Variants in SHC3 observed in about 807,000 individuals in gnomAD.
The protein encoded by SHC3 is SHC adaptor protein 3.
Under a neutral mutation model 60.4 loss-of-function variants are expected in SHC3, and 15 were observed. The observed-to-expected ratio is 0.25, with a 90% CI of 0.17 to 0.38. The LOEUF (loss-of-function observed/expected upper bound fraction) is 0.38. Among genes scored for constraint, SHC3 ranks in the 10% least tolerant of loss-of-function variants. SHC3 has a pLI of 1.00. For synonymous variants in SHC3, 294 were observed against 325.9 expected, an observed-to-expected ratio of 0.90 and a Z score of 1.05; for missense variants, 677 against 786.1, an observed-to-expected ratio of 0.86 and a Z score of 1.66.
intron 11 of SHC3, among the ~76,000 whole-genome samples, chr9:89,017,970 T>A (rs1280412778): frequency 6.6e-6 from 1 of 152,142 alleles, no homozygotes; most frequent in Non-Finnish European, 1.5e-5. Flanking sequence ...AGAGTGGTGA[T>A]CATTAAAAAG....
intron 2 of SHC3, among the ~76,000 whole-genome samples, chr9:89,095,747 G>A (rs1825692044): frequency 1.3e-5 from 2 of 152,120 alleles, no homozygotes; most frequent in African/African-American, 2.4e-5. Context: ...CCCACCTCCA[G>A]GGCAGGGACA....
At chr9:89,161,293 T>C (rs1826702408) in intron 1 of SHC3, among the ~76,000 whole-genome samples, 1 of 152,188 alleles carries the variant, frequency 6.6e-6, no homozygotes, top group African/African-American at 2.4e-5. Context: ...GATCTGGTCA[T>C]TTAAAAGTGT....
At chr9:89,080,734 AATAT>A (rs10591505) in intron 2 of SHC3, among the ~76,000 whole-genome samples, 224 of 131,930 alleles carry the variant, frequency 1.7e-3, no homozygotes, top group South Asian at 3.1e-3. Flanking sequence ...AACTAGGAAG[AATAT>A]ATATATATAT....
chr9:89,014,909 G>A (rs1239686446), intron 11 of SHC3, among the ~76,000 whole-genome samples: 1 of 152,140 alleles, frequency 6.6e-6, no homozygotes, highest in Non-Finnish European at 1.5e-5. Flanking sequence ...ATTAGCACCT[G>A]AAGGAACAGA....
At chr9:89,024,620 G>A (rs1233641309) in intron 11 of SHC3, among the ~76,000 whole-genome samples, 1 of 152,240 alleles carries the variant, frequency 6.6e-6, no homozygotes, top group Non-Finnish European at 1.5e-5. Context: ...ACCGTTTTCA[G>A]AATGAAAGGA....
At chr9:89,079,115 C>CAATG (rs1564125974) in intron 2 of SHC3, among the ~76,000 whole-genome samples, 1 of 152,140 alleles carries the variant, frequency 6.6e-6, no homozygotes, top group Non-Finnish European at 1.5e-5. Flanking sequence ...AAACCGTAGG[C>CAATG]AATGAATCAT....
At chr9:89,044,136 G>C (rs900491413) in intron 9 of SHC3, among the ~76,000 whole-genome samples, 3 of 152,150 alleles carry the variant, frequency 2.0e-5, no homozygotes, top group African/African-American at 7.2e-5. Flanking sequence ...AAATATCTAA[G>C]GGAAATAATG....
Position 89,078,046 on chromosome 9 carries a change from G to T in SHC3, c.546-143C>A, listed in dbSNP as rs1451430094. The T allele has an allele frequency of 1.2e-5, 11 of 898,944 alleles. No homozygotes were observed. The African/African-American group carries it at 1.7e-4, about 14-fold the overall frequency. 55.7% of individuals were successfully genotyped at this position (898,944 alleles called of 1,614,324 possible). A position where few individuals can be genotyped will look rare whatever the true frequency, so the allele number is the denominator to read the frequency against. On this transcript the variant is annotated intron_variant, in intron 2 of 11. Transcript: ENST00000375835. ...AGAGCTGCCAATTTGGGAGTCATCC[G>T]ATTCTTCTTCTAAAACACAAAACTA...
intron 2 of SHC3, among the ~76,000 whole-genome samples, chr9:89,105,554 T>C (rs1310849649): frequency 2.6e-5 from 4 of 152,216 alleles, no homozygotes; most frequent in Non-Finnish European, 5.9e-5. Context: ...TGTTTGTGTA[T>C]TTCCCTCTCC....
At chr9:89,023,040 A>G (rs1283244959) in intron 11 of SHC3, among the ~76,000 whole-genome samples, 1 of 152,132 alleles carries the variant, frequency 6.6e-6, no homozygotes, top group East Asian at 1.9e-4. Flanking sequence ...CAGGCATGTG[A>G]TGGGTTTGAG....
intron 1 of SHC3, among the ~76,000 whole-genome samples, chr9:89,175,931 G>A (rs1000139829): frequency 6.6e-6 from 1 of 152,220 alleles, no homozygotes. Flanking sequence ...AGAGGGCCAT[G>A]TGATAATTTG....
At chr9:89,107,773 T>C (rs2118099637) in intron 2 of SHC3, among the ~76,000 whole-genome samples, 1 of 152,312 alleles carries the variant, frequency 6.6e-6, no homozygotes, top group Middle Eastern at 3.4e-3. Context: ...CTGCTCTCTG[T>C]TCTAATTCCG....
chr9:89,178,395 G>C lies in SHC3; in HGVS notation c.66C>G (p.Leu22=). Residue 22 remains leucine, a synonymous_variant, in exon 1 of 12, where the codon CTC becomes CTG. Transcript: ENST00000375835. The surrounding 1 kb of genome is among the most constrained non-coding windows in gnomAD (Gnocchi z 6.9). ...NDSVTSVDDL[L]HSLSVSGGGG... ...CGCCGCCGCTCACCGACAGGCTGTG[G>C]AGAAGGTCATCGACCGATGTCACCG... The C allele has an allele frequency of 1.3e-6, 2 of 1,562,892 alleles. No homozygotes were observed. Among genetic ancestry groups the C allele is most frequent in the Non-Finnish European group, 1.7e-6 (2 of 1,156,558 alleles).
At chr9:89,104,379 G>A (rs1825826770) in intron 2 of SHC3, among the ~76,000 whole-genome samples, 2 of 152,184 alleles carry the variant, frequency 1.3e-5, no homozygotes, top group South Asian at 4.1e-4. Flanking sequence ...ACTCTGTGGG[G>A]TCGGCTCAGC....
intron 6 of SHC3, among the ~76,000 whole-genome samples, chr9:89,057,873 C>T (rs1824981693): frequency 6.6e-6 from 1 of 152,164 alleles, no homozygotes; most frequent in South Asian, 2.1e-4. Context: ...AGTTAAGGAT[C>T]TCGAGATGAG....
At chr9:89,136,403 T>C (rs1375952996) in intron 1 of SHC3, among the ~76,000 whole-genome samples, 2 of 152,140 alleles carry the variant, frequency 1.3e-5, no homozygotes, top group East Asian at 1.9e-4. Flanking sequence ...AAACAGCTTA[T>C]AGCAGAGAAG....
intron 6 of SHC3, among the ~76,000 whole-genome samples, chr9:89,065,221 G>T (rs1393184251): frequency 6.6e-6 from 1 of 152,182 alleles, no homozygotes; most frequent in African/African-American, 2.4e-5. Flanking sequence ...AGGAGGACAG[G>T]CAGCAGGTGG....
chr9:89,035,289 A>G (rs142761788), intron 11 of SHC3, among the ~76,000 whole-genome samples: 94 of 152,284 alleles, frequency 6.2e-4, no homozygotes, highest in African/African-American at 2.1e-3. Context: ...AAATTAATCT[A>G]CATACATTCA....
rs1425877749 is a variant in SHC3 at position 89,042,091 on chromosome 9, G to T, written c.1295C>A (p.Pro432Gln). Residue 432 changes from proline (P) to glutamine (Q), a missense_variant, in exon 10 of 12, where the codon CCA becomes CAA. By Grantham distance (76) the Pro-to-Gln change is moderately conservative. Coordinates refer to ENST00000375835, the MANE Select transcript of SHC3 (RefSeq NM_016848.6). ...GCTGACCGCAGCCGGCCAGGCCTGT[G>T]GTGGGATCTGCTGAGTGTTGACGTA... ...PTYVNTQQIP[P>Q]QAWPAAVSSA... 6.2e-6 allele frequency: 10 copies of T among 1,601,610 alleles called. No individual in the cohort carries two copies. Among genetic ancestry groups the T allele is most frequent in the Non-Finnish European group, 8.5e-6 (10 of 1,176,900 alleles).
Sources: allele counts gnomAD v4.1 joint callset (sites outside exome capture counted in the v4.1 genomes callset), GRCh38; gene constraint gnomAD v4.1.1; non-coding constraint Gnocchi (gnomAD v3.1); transcripts MANE v1.5; gene names NCBI Gene and HGNC (gene_info 2026-07-23, HGNC 2026-07-21).